NOVA2: variants seen among roughly 807,000 people sequenced by gnomAD.
The protein encoded by NOVA2 is RNA-binding protein Nova-2.
In NOVA2, 9 loss-of-function variants were observed where a neutral mutation model predicts 22.5. The ratio of observed to expected loss-of-function variants is 0.40; its 90% CI spans 0.24 to 0.70. The LOEUF (loss-of-function observed/expected upper bound fraction) is 0.70. Ranked by LOEUF, NOVA2 falls within the 30% of genes least tolerant of loss-of-function variation. NOVA2 has a pLI of 0.38. For missense variants in NOVA2, 383 were observed against 682.8 expected, an observed-to-expected ratio of 0.56 and a Z score of 4.89; for synonymous variants, 318 against 335.2, an observed-to-expected ratio of 0.95 and a Z score of 0.56.
At chr19:45,960,924 C>T in intron 2 of NOVA2, 86 bp downstream of exon 2, 1 of 1,389,090 alleles carries the variant, frequency 7.2e-7, no homozygotes, top group Non-Finnish European at 9.8e-7. Context: ...TTAGGGCAGA[C>T]CTTCCCCCTC....
At chr19:45,949,151 G>A (rs575284670) in intron 3 of NOVA2, among the ~76,000 whole-genome samples, 16 of 152,168 alleles carry the variant, frequency 1.1e-4, no homozygotes, top group Non-Finnish European at 2.2e-4. Context: ...GGGGAATGGT[G>A]AGTGACTGCT....
chr19:45,949,012 C>A (rs1416046688), intron 3 of NOVA2, among the ~76,000 whole-genome samples: 1 of 151,968 alleles, frequency 6.6e-6, no homozygotes, highest in Non-Finnish European at 1.5e-5. Context: ...AGTATTACAT[C>A]AAGTGAAAAA....
At chr19:45,963,323 G>A (rs1318462271) in intron 1 of NOVA2, among the ~76,000 whole-genome samples, 1 of 151,600 alleles carries the variant, frequency 6.6e-6, no homozygotes, top group Non-Finnish European at 1.5e-5. Context: ...AACTTGCAGT[G>A]AGCCGAGATC....
chr19:45,971,323 G>A (rs2146430784), intron 1 of NOVA2, among the ~76,000 whole-genome samples: 1 of 152,234 alleles, frequency 6.6e-6, no homozygotes, highest in East Asian at 1.9e-4. Flanking sequence ...GACGGTGGTG[G>A]AGGGCTAGAC....
At chr19:45,963,689 G>A (rs1211972741) in intron 1 of NOVA2, among the ~76,000 whole-genome samples, 4 of 151,896 alleles carry the variant, frequency 2.6e-5, no homozygotes, top group East Asian at 3.9e-4. Flanking sequence ...CCACCACCAC[G>A]CCCAGCTAAT....
intron 2 of NOVA2, among the ~76,000 whole-genome samples, chr19:45,956,418 C>CTAATAATAA (rs1393152729): frequency 6.6e-6 from 1 of 151,592 alleles, no homozygotes; most frequent in Non-Finnish European, 1.5e-5. Context: ...ACAAGAGTGT[C>CTAATAATAA]TAATAATAGC....
Position 45,940,770 on chromosome 19 carries a change from T to C in NOVA2, c.572A>G (p.Lys191Arg). 1 of 1,609,000 alleles carries C rather than the reference T, an allele frequency of 6.2e-7. No homozygotes were observed. Among genetic ancestry groups the C allele is most frequent in the Non-Finnish European group, 8.5e-7 (1 of 1,179,918 alleles). The stretch of plus-strand genomic sequence containing the variant: ...CTTCTGCACGATGGCGCTCACGGCC[T>C]TGTGCACCTGCTCGGGCTCGCCGCT... ...TVSGEPEQVH[K>R]AVSAIVQKVQ... The change falls in exon 4 of 4, where the codon AAG (lysine) becomes AGG (arginine). Residue 191 changes from lysine to arginine, a missense_variant. Around this residue, in one of 2 missense-constraint regions of NOVA2, gnomAD observed 349 missense variants for 578.1 expected, o/e 0.60. Transcript: ENST00000263257.
At chr19:45,960,802 C>T (rs754947473) in intron 2 of NOVA2, among the ~76,000 whole-genome samples, 5 of 152,146 alleles carry the variant, frequency 3.3e-5, no homozygotes, top group African/African-American at 1.2e-4. Context: ...GCAGCAGGCC[C>T]GTTGTCTTGC....
chr19:45,940,214 T>TCCGCCCGCCCCG lies in NOVA2; in HGVS notation c.1116_1127dup (p.Ala374_Gly377dup), dbSNP rs1431177743. On this transcript the variant is annotated inframe_insertion, in exon 4 of 4. Transcript: ENST00000263257. ...CAGCGGCCACCAGCGGGCCGCCCCC[T>TCCGCCCGCCCCG]CCGCCCGCCCCGCCGCCCGCCCCGG... 1.7e-6 allele frequency: 2 copies of TCCGCCCGCCCCG among 1,170,318 alleles called. No individual in the cohort carries two copies. The highest frequency in any genetic ancestry group is 1.6e-5 in the African/African-American group (1 of 60,900). 72.5% of individuals were successfully genotyped at this position (1,170,318 alleles called of 1,614,324 possible). A position where few individuals can be genotyped will look rare whatever the true frequency, so the allele number is the denominator to read the frequency against.
intron 3 of NOVA2, among the ~76,000 whole-genome samples, chr19:45,952,662 A>T (rs2146415774): frequency 6.6e-6 from 1 of 152,308 alleles, no homozygotes; most frequent in South Asian, 2.1e-4. Flanking sequence ...GCCTCCCTGT[A>T]AACTGTGAAT....
intron 3 of NOVA2, among the ~76,000 whole-genome samples, chr19:45,947,207 C>T (rs984049441): frequency 6.6e-6 from 1 of 152,092 alleles, no homozygotes; most frequent in South Asian, 2.1e-4. Context: ...ATTATTACTG[C>T]TGGGTTCTCA....
chr19:45,963,128 A>G (rs1383666796), intron 1 of NOVA2, among the ~76,000 whole-genome samples: 3 of 152,028 alleles, frequency 2.0e-5, no homozygotes, highest in East Asian at 3.9e-4. Context: ...TAATCCCAGC[A>G]CTGTGGAAGG....
At position 45,934,024 on chromosome 19, in the gene NOVA2, G is replaced by C. The variant is rs1244016674; in HGVS notation, c.*5839C>G. 6.6e-6 allele frequency: 1 copy of C among 152,602 alleles called. No individual in the cohort carries two copies. Among genetic ancestry groups the C allele is most frequent in the East Asian group, 1.9e-4 (1 of 5,204 alleles). The allele number at this position is 152,602 out of a possible 1,614,324, so 9.5% of individuals were successfully genotyped here. ...CGCAGAGGATGGAAGGAATCAGTTA[G>C]AGGGGGTTGAATGGAGGCACTGGAG... On this transcript the variant is annotated 3_prime_UTR_variant, in exon 4 of 4. Coordinates refer to ENST00000263257, the MANE Select transcript of NOVA2 (RefSeq NM_002516.4).
At chr19:45,973,183 A>G (rs1374806174) in intron 1 of NOVA2, 84 bp downstream of exon 1, 1 of 616,470 alleles carries the variant, frequency 1.6e-6, no homozygotes, top group Non-Finnish European at 2.5e-6. Context: ...GAGCCCTTGC[A>G]CCTGCCACGG....
At position 45,937,314 on chromosome 19, in the gene NOVA2, A is replaced by G. The variant is rs1967668927; in HGVS notation, c.*2549T>C. 1 of 152,252 alleles carries G rather than the reference A, an allele frequency of 6.6e-6. No individual in the cohort carries two copies. Among genetic ancestry groups the G allele is most frequent in the Non-Finnish European group, 1.5e-5 (1 of 68,088 alleles). The allele number at this position is 152,252 out of a possible 1,614,324, so 9.4% of individuals were successfully genotyped here. On this transcript the variant is annotated 3_prime_UTR_variant, in exon 4 of 4. Coordinates refer to ENST00000263257, the MANE Select transcript of NOVA2 (RefSeq NM_002516.4). ...AATGAGTTTGTAGAAAGCGGCTGCC[A>G]AGCGGAGGATGCAAATGATATGCAA...
chr19:45,965,094 T>A (rs1398938654), intron 1 of NOVA2, among the ~76,000 whole-genome samples: 1 of 152,138 alleles, frequency 6.6e-6, no homozygotes, highest in African/African-American at 2.4e-5. Flanking sequence ...ACTGAATTCA[T>A]TCTCTTCCAT....
At chr19:45,972,056 C>T (rs1968239159) in intron 1 of NOVA2, among the ~76,000 whole-genome samples, 1 of 152,044 alleles carries the variant, frequency 6.6e-6, no homozygotes, top group Non-Finnish European at 1.5e-5. Flanking sequence ...GAATCATCCC[C>T]ATATCTCTGG....
intron 2 of NOVA2, among the ~76,000 whole-genome samples, chr19:45,958,574 TGA>T (rs1047604313): frequency 2.0e-5 from 3 of 150,722 alleles, no homozygotes; most frequent in South Asian, 2.1e-4. Flanking sequence ...TGTGAGGGTG[TGA>T]GTGTGAATGA....
In NOVA2 at chr19:45,945,281, G is replaced by A. The variant is rs371198328; in HGVS notation, c.397-4336C>T. On this transcript the variant is annotated intron_variant, in intron 3 of 3. Coordinates refer to ENST00000263257, the MANE Select transcript of NOVA2 (RefSeq NM_002516.4). ...GGTGCCACTACACTCCAGCCTGGGT[G>A]ACAGTGCAAGACCCTGCCTCTAAAA... is the stretch of plus-strand genomic sequence containing the variant. Among the ~76,000 whole-genome samples, 17 of 151,602 alleles carry A rather than the reference G, an allele frequency of 1.1e-4. No individual in the cohort carries two copies. In the East Asian group the frequency reaches 2.9e-3, roughly 26 times the overall value.
Sources: gnomAD v4.1 joint callset for allele counts (sites outside exome capture counted in the v4.1 genomes callset) on GRCh38, gnomAD v4.1.1 for gene constraint, gnomAD v4.1.1 regional missense constraint, MANE v1.5 for transcripts, NCBI Gene and HGNC (gene_info 2026-07-23, HGNC 2026-07-21) for gene names.